The following IGF1 variants were observed in gnomAD, a reference collection of about 807,000 sequenced individuals.
IGF1 encodes the protein insulin-like growth factor 1.
In IGF1, 4 loss-of-function variants were observed where a neutral mutation model predicts 13.8. That is an observed-to-expected ratio of 0.29 (90% CI 0.14 to 0.66). IGF1 has a LOEUF of 0.66. Among genes scored for constraint, IGF1 ranks in the 30% least tolerant of loss-of-function variants. The probability of loss-of-function intolerance (pLI) is 0.78; values close to 1 mark genes in which losing one functional copy is unlikely to be tolerated. For missense variants in IGF1, 124 were observed against 188.5 expected (o/e 0.66, Z 2.00); for synonymous variants, 76 against 72.6 (o/e 1.05, Z -0.23).
chr12:102,452,259 C>A (rs1198597789), intron 2 of IGF1, among the ~76,000 whole-genome samples: 1 of 18,266 alleles, frequency 5.5e-5, no homozygotes, highest in Non-Finnish European at 1.1e-4. Flanking sequence ...GAGACTCCGT[C>A]TCAAAAAAAA....
chr12:102,427,471 T>C (rs1876311352), intron 2 of IGF1, among the ~76,000 whole-genome samples: 1 of 152,140 alleles, frequency 6.6e-6, no homozygotes, highest in Non-Finnish European at 1.5e-5. Context: ...CTCTCTAAAG[T>C]CTTTCATTTC....
At chr12:102,477,737 C>T (rs970587881) in intron 1 of IGF1, among the ~76,000 whole-genome samples, 6 of 152,084 alleles carry the variant, frequency 3.9e-5, no homozygotes, top group African/African-American at 1.4e-4. Flanking sequence ...TCCTATTTCT[C>T]CACCCCTCCC....
At chr12:102,447,664 C>T (rs528311735) in intron 2 of IGF1, among the ~76,000 whole-genome samples, 2 of 152,160 alleles carry the variant, frequency 1.3e-5, no homozygotes, top group Non-Finnish European at 2.9e-5. Flanking sequence ...TGGGTCTTGA[C>T]TCTATCCTAT....
chr12:102,404,165 G>C (rs546111773), intron 3 of IGF1, among the ~76,000 whole-genome samples: 5 of 152,178 alleles, frequency 3.3e-5, no homozygotes, highest in Non-Finnish European at 7.4e-5. Flanking sequence ...TATACAGTGA[G>C]GTTCATAACC....
At chr12:102,442,613 A>G (rs1025013847) in intron 2 of IGF1, among the ~76,000 whole-genome samples, 5 of 152,120 alleles carry the variant, frequency 3.3e-5, no homozygotes, top group African/African-American at 1.2e-4. Context: ...TGATACTGAC[A>G]AGTTTATTAA....
chr12:102,436,073 G>A (rs573828826), intron 2 of IGF1, among the ~76,000 whole-genome samples: 1 of 152,308 alleles, frequency 6.6e-6, no homozygotes, highest in Non-Finnish European at 1.5e-5. Flanking sequence ...CCTAATAAAG[G>A]TATCTATATG....
chr12:102,439,115 T>C (rs1323671396), intron 2 of IGF1, among the ~76,000 whole-genome samples: 1 of 152,250 alleles, frequency 6.6e-6, no homozygotes, highest in African/African-American at 2.4e-5. Flanking sequence ...TGTACACATG[T>C]AGGAACACAT....
At chr12:102,406,869 G>A (rs1240821388) in intron 3 of IGF1, among the ~76,000 whole-genome samples, 1 of 152,022 alleles carries the variant, frequency 6.6e-6, no homozygotes, top group Non-Finnish European at 1.5e-5. Context: ...GAGGTGGGCA[G>A]ATCACTTGAG....
Position 102,396,605 on chromosome 12 carries a change from A to G in IGF1, c.*5902T>C. 3.0e-6 allele frequency: 1 copy of G among 335,778 alleles called. No individual in the cohort carries two copies. The highest frequency in any genetic ancestry group is 4.4e-5 in the East Asian group (1 of 22,872). 20.8% of individuals were successfully genotyped at this position (335,778 alleles called of 1,614,324 possible). A position where few individuals can be genotyped will look rare whatever the true frequency, so the allele number is the denominator to read the frequency against. On this transcript the variant is annotated 3_prime_UTR_variant, in exon 4 of 4. Transcript: ENST00000337514. ...TACTTTACATCAGTGCATTTTGGGCAAAATAAAATGAGTAATGTTTACTTT... is the reference window on the plus strand; with the variant it reads ...TACTTTACATCAGTGCATTTTGGGCGAAATAAAATGAGTAATGTTTACTTT...
intron 2 of IGF1, among the ~76,000 whole-genome samples, chr12:102,440,526 A>G (rs1565983874): frequency 6.6e-6 from 1 of 152,142 alleles, no homozygotes; most frequent in African/African-American, 2.4e-5. Context: ...TTTCCACGGG[A>G]CTAAAATCCA....
chr12:102,459,583 C>T (rs920220123), intron 2 of IGF1, among the ~76,000 whole-genome samples: 3 of 152,078 alleles, frequency 2.0e-5, no homozygotes, highest in African/African-American at 7.2e-5. Flanking sequence ...CTGTGCTCAA[C>T]ACTTAGGGTG....
intron 2 of IGF1, among the ~76,000 whole-genome samples, chr12:102,474,044 T>C (rs1446764455): frequency 1.3e-5 from 2 of 152,028 alleles, no homozygotes; most frequent in African/African-American, 2.4e-5. Flanking sequence ...AAATGGATTA[T>C]CAAGGAAAAA....
chr12:102,414,479 C>T (rs781375648), intron 3 of IGF1, among the ~76,000 whole-genome samples: 9 of 152,018 alleles, frequency 5.9e-5, no homozygotes, highest in East Asian at 5.8e-4. Context: ...TGGGATGCAG[C>T]GGCAGGATCT....
intron 3 of IGF1, chr12:102,417,854 A>G: frequency 1.2e-6 from 2 of 1,613,530 alleles, no homozygotes; most frequent in South Asian, 1.1e-5. Context: ...CAGCATTTCT[A>G]CTTCCAATCT....
intron 3 of IGF1, among the ~76,000 whole-genome samples, chr12:102,406,339 G>T (rs1269528569): frequency 6.6e-6 from 1 of 152,172 alleles, no homozygotes; most frequent in African/African-American, 2.4e-5. Context: ...ATCAGAGCTG[G>T]CACCCACCTT....
chr12:102,397,295 T>C lies in IGF1; in HGVS notation c.*5212A>G, dbSNP rs1592723495. 1 of 152,490 alleles carries C rather than the reference T, an allele frequency of 6.6e-6. No homozygotes were observed. Among genetic ancestry groups the C allele is most frequent in the Admixed American group, 6.6e-5 (1 of 15,264 alleles). The allele number at this position is 152,490 out of a possible 1,614,324, so 9.4% of individuals were successfully genotyped here. On this transcript the variant is annotated 3_prime_UTR_variant, in exon 4 of 4. Coordinates refer to ENST00000337514, the MANE Select transcript of IGF1 (RefSeq NM_000618.5). The stretch of plus-strand genomic sequence containing the variant: ...GAGTTTCAGCTTGGTCAGCCCTCTA[T>C]AAAATTCTGAGGCAGATACTAAAAT...
At chr12:102,417,598 C>A in intron 3 of IGF1, 1 of 1,226,226 alleles carries the variant, frequency 8.2e-7, no homozygotes, top group Non-Finnish European at 1.0e-6. Context: ...TTGCCACTGT[C>A]TTTCTTTGCG....
At chr12:102,422,837 G>A (rs968082583) in intron 2 of IGF1, among the ~76,000 whole-genome samples, 18 of 152,166 alleles carry the variant, frequency 1.2e-4, no homozygotes, top group African/African-American at 4.1e-4. Flanking sequence ...CCAGTGGGCA[G>A]AATCAGAGCT....
chr12:102,441,954 T>TCTCCTTCTCCTTCTCCTTCTCCTTCTC (rs1877873480), intron 2 of IGF1, among the ~76,000 whole-genome samples: 2 of 140,492 alleles, frequency 1.4e-5, no homozygotes, highest in Admixed American at 8.1e-5. Context: ...TTCTTCTTCT[T>TCTCCTTCTCCTTCTCCTTCTCCTTCTC]CTTTTTTTTT....
Sources: gnomAD v4.1 joint callset for allele counts (sites outside exome capture counted in the v4.1 genomes callset) on GRCh38, gnomAD v4.1.1 for gene constraint, MANE v1.5 for transcripts, NCBI Gene and HGNC (gene_info 2026-07-23, HGNC 2026-07-21) for gene names.